The following GRHL2 variants were observed in gnomAD, a reference collection of about 807,000 sequenced individuals.
GRHL2 encodes the protein grainyhead-like protein 2 homolog.
GRHL2 carries 21 observed loss-of-function variants against 83.8 expected under a neutral mutation model. That is an observed-to-expected ratio of 0.25 (90% CI 0.18 to 0.36). GRHL2 has a LOEUF of 0.36. Ranked by LOEUF, GRHL2 falls within the 10% of genes least tolerant of loss-of-function variation. The pLI is 1.00. For missense variants in GRHL2, 623 were observed against 781.8 expected (o/e 0.80, Z 2.42); for synonymous variants, 280 against 278.9 (o/e 1.00, Z -0.04).
the GRHL2 span, among the ~76,000 whole-genome samples, chr8:101,675,554 A>C: frequency 6.6e-6 from 1 of 152,020 alleles, no homozygotes; most frequent in Non-Finnish European, 1.5e-5. Flanking sequence ...TCAAGGAAAT[A>C]AAAGAGGATA....
intron 9 of GRHL2, among the ~76,000 whole-genome samples, chr8:101,626,468 A>G (rs889332071): frequency 2.0e-5 from 3 of 152,062 alleles, no homozygotes; most frequent in East Asian, 1.9e-4. Flanking sequence ...ATTCTTTCAC[A>G]ATCTTTCGTG....
At chr8:101,601,831 G>T (rs773784833) in intron 8 of GRHL2, among the ~76,000 whole-genome samples, 8 of 152,246 alleles carry the variant, frequency 5.3e-5, no homozygotes, top group Non-Finnish European at 1.2e-4. Flanking sequence ...CTGGATACAA[G>T]TGCAGAACGT....
At chr8:101,586,094 A>G (rs1397019826) in intron 7 of GRHL2, among the ~76,000 whole-genome samples, 1 of 70,026 alleles carries the variant, frequency 1.4e-5, no homozygotes, top group African/African-American at 6.8e-5. Context: ...TTTTTTTGAG[A>G]CGGAGTCTCG....
intron 1 of GRHL2, among the ~76,000 whole-genome samples, chr8:101,500,394 G>C (rs930919242): frequency 6.6e-6 from 1 of 152,098 alleles, no homozygotes; most frequent in Admixed American, 6.5e-5. Context: ...GATTAATTCA[G>C]GCTCTTCAGA....
intron 9 of GRHL2, among the ~76,000 whole-genome samples, chr8:101,627,942 A>G (rs1207158393): frequency 6.6e-6 from 1 of 152,182 alleles, no homozygotes; most frequent in African/African-American, 2.4e-5. Flanking sequence ...CTGCAGAAGA[A>G]AAGTTTGAAG....
intron 8 of GRHL2, among the ~76,000 whole-genome samples, chr8:101,608,735 T>TCTCTCACACACA (rs1326292897): frequency 2.8e-5 from 4 of 144,774 alleles, no homozygotes; most frequent in African/African-American, 1.1e-4. Flanking sequence ...GCTCACTCTC[T>TCTCTCACACACA]CACACACACA....
intron 1 of GRHL2, among the ~76,000 whole-genome samples, chr8:101,508,747 C>T (rs515743): frequency 0.68 from 102,587 of 151,946 alleles, 36,835 homozygotes; most frequent in Non-Finnish European, 0.81. Context: ...AAATGAGTGG[C>T]CACCACATAA....
chr8:101,522,144 G>A (rs2130049204), intron 1 of GRHL2, among the ~76,000 whole-genome samples: 1 of 152,108 alleles, frequency 6.6e-6, no homozygotes, highest in South Asian at 2.1e-4. Context: ...TAGGGTACAT[G>A]GCCCAAGTGT....
Position 101,492,578 on chromosome 8 carries a change from T to TA in GRHL2, c.-192_-191insA. The TA allele has an allele frequency of 1.5e-6, 1 of 686,946 alleles. No individual in the cohort carries two copies. The highest frequency in any genetic ancestry group is 2.7e-6 in the Non-Finnish European group (1 of 371,768). The allele number at this position is 686,946 out of a possible 1,614,324, so 42.6% of individuals were successfully genotyped here. ...GAGGGGCCCCCCCTTATCCCACCTT[T>TA]CCGGCTAGGTGAGGGCGCGAGCGGG... is the stretch of plus-strand genomic sequence containing the variant. On this transcript the variant is annotated 5_prime_UTR_variant, in exon 1 of 16. Coordinates refer to ENST00000646743, the MANE Select transcript of GRHL2 (RefSeq NM_024915.4).
chr8:101,669,356 C>T lies in GRHL2; in HGVS notation c.*2653C>T, dbSNP rs1393527767. 1.3e-4 allele frequency: 18 copies of T among 143,894 alleles called. No individual in the cohort carries two copies. Among genetic ancestry groups the T allele is most frequent in the East Asian group, 4.2e-4 (2 of 4,758 alleles). The allele number at this position is 143,894 out of a possible 1,614,324, so 8.9% of individuals were successfully genotyped here. A position where few individuals can be genotyped will look rare whatever the true frequency, so the allele number is the denominator to read the frequency against. ...CTTTATGAGTGTTTGTTTAGAAGTT[C>T]GGACCAACAGAAAAATGCAGTCAGA... On this transcript the variant is annotated 3_prime_UTR_variant, in exon 16 of 16. Coordinates refer to ENST00000646743, the MANE Select transcript of GRHL2 (RefSeq NM_024915.4).
chr8:101,577,210 A>G (rs1193250366), intron 6 of GRHL2, among the ~76,000 whole-genome samples, 198 bp from the exon 7 acceptor site: 1 of 152,020 alleles, frequency 6.6e-6, no homozygotes, highest in East Asian at 1.9e-4. Context: ...CTTCAAAATG[A>G]ATTTGAAAGA....
At chr8:101,494,670 A>G (rs1470402112) in intron 1 of GRHL2, among the ~76,000 whole-genome samples, 1 of 152,230 alleles carries the variant, frequency 6.6e-6, no homozygotes, top group African/African-American at 2.4e-5. Flanking sequence ...TAGTTTGCTT[A>G]GTTTTGTGAT....
At chr8:101,612,512 G>T (rs1362009486) in intron 8 of GRHL2, among the ~76,000 whole-genome samples, 1 of 121,544 alleles carries the variant, frequency 8.2e-6, no homozygotes, top group East Asian at 2.5e-4. Context: ...TAGATAGATA[G>T]ATAGATAGAT....
At chr8:101,538,961 T>C (rs1811098884) in intron 1 of GRHL2, among the ~76,000 whole-genome samples, 1 of 152,226 alleles carries the variant, frequency 6.6e-6, no homozygotes, top group South Asian at 2.1e-4. Context: ...ACGTAAGGAT[T>C]CATCAACAAT....
chr8:101,676,396 C>T, the GRHL2 span, among the ~76,000 whole-genome samples: 5 of 149,518 alleles, frequency 3.3e-5, no homozygotes, highest in East Asian at 1.9e-4. Flanking sequence ...AAAAAGTGGG[C>T]GAAGGATATG....
At position 101,535,148 on chromosome 8, in the gene GRHL2, T is replaced by A. The variant is rs939670680; in HGVS notation, c.21-8093T>A. 2.0e-5 allele frequency among the ~76,000 whole-genome samples: 3 copies of A among 152,346 alleles called. No homozygotes were observed. In the East Asian group the frequency reaches 5.8e-4, roughly 29 times the overall value. ...CCATCTCCTGTGGTCACATTCTGGA[T>A]GTATTTTGTAGCTGTGTTACCCTGG... On this transcript the variant is annotated intron_variant, in intron 1 of 15. Transcript: ENST00000646743.
At chr8:101,557,370 G>T (rs907622366) in intron 3 of GRHL2, among the ~76,000 whole-genome samples, 4 of 151,324 alleles carry the variant, frequency 2.6e-5, no homozygotes, top group African/African-American at 9.7e-5. Context: ...GACTACAGGC[G>T]CATGCCACTG....
chr8:101,631,865 A>G, intron 10 of GRHL2, 141 bp downstream of exon 10: 1 of 745,392 alleles, frequency 1.3e-6, no homozygotes, highest in East Asian at 2.7e-5. Flanking sequence ...CAGTGGAGAC[A>G]GGGTGATTGA....
chr8:101,606,413 T>A (rs1407188780), intron 8 of GRHL2, among the ~76,000 whole-genome samples: 1 of 152,226 alleles, frequency 6.6e-6, no homozygotes, highest in Non-Finnish European at 1.5e-5. Context: ...GATTTTGCTT[T>A]AATACTGACA....
Sources: gnomAD v4.1 joint callset for allele counts (sites outside exome capture counted in the v4.1 genomes callset) on GRCh38, gnomAD v4.1.1 for gene constraint, MANE v1.5 for transcripts, NCBI Gene and HGNC (gene_info 2026-07-23, HGNC 2026-07-21) for gene names.